The following TKT variants were observed in gnomAD, a reference collection of about 807,000 sequenced individuals.
TKT encodes transketolase.
Under a neutral mutation model 63.9 loss-of-function variants are expected in TKT, and 47 were observed. The ratio of observed to expected loss-of-function variants is 0.74; its 90% CI spans 0.58 to 0.94. The LOEUF is 0.94. Among genes scored for constraint, TKT ranks in the 40% least tolerant of loss-of-function variants. The probability of loss-of-function intolerance (pLI) is 0.00; values close to 1 mark genes in which losing one functional copy is unlikely to be tolerated. For missense variants in TKT, 721 were observed against 846.2 expected (o/e 0.85, Z 1.84); for synonymous variants, 338 against 334.1 (o/e 1.01, Z -0.13).
chr3:53,240,411 G>A, intron 3 of TKT, 63 bp from the exon 4 acceptor site: 6 of 1,508,736 alleles, frequency 4.0e-6, no homozygotes, highest in Non-Finnish European at 5.4e-6. Context: ...CACCCGCCTA[G>A]GGAGCCACAC....
intron 6 of TKT, chr3:53,231,858 C>T (rs1428944096): frequency 7.5e-6 from 3 of 398,338 alleles, no homozygotes; most frequent in Non-Finnish European, 9.0e-6. Flanking sequence ...CATCCCTTCA[C>T]CAATGTGTCC....
chr3:53,246,838 C>G (rs1364068038), intron 1 of TKT, among the ~76,000 whole-genome samples: 1 of 126,922 alleles, frequency 7.9e-6, no homozygotes, highest in Non-Finnish European at 1.7e-5. Context: ...ACAACAAGAG[C>G]AAAACTCCGT....
Position 53,228,320 on chromosome 3 carries a change from T to C in TKT, c.1435A>G (p.Ile479Val). Residue 479 changes from isoleucine (I) to valine (V), a missense_variant, in exon 11 of 14, where the codon ATC (isoleucine) becomes GTC (valine). Physicochemically the swap from Ile to Val is conservative, Grantham distance 29. Coordinates refer to ENST00000462138, the MANE Select transcript of TKT (RefSeq NM_001064.4). ...FIRTSRPENA[I>V]IYNNNEDFQV... Reference sequence around the variant, plus strand: ...AAGTCCTCATTGTTGTTATAGATGATGGCATTTTCTGGGCGGCTGGTCCGG... The same window carrying C: ...AAGTCCTCATTGTTGTTATAGATGACGGCATTTTCTGGGCGGCTGGTCCGG... 6.2e-7 allele frequency: 1 copy of C among 1,614,172 alleles called. No individual in the cohort carries two copies. The highest frequency in any genetic ancestry group is 8.5e-7 in the Non-Finnish European group (1 of 1,180,024).
chr3:53,233,179 G>A lies in TKT; in HGVS notation c.725C>T (p.Thr242Ile). ...ACCCGTGATCCCTCGGCCCTTGAAG[G>A]TCTTGGCAATGATGGCTGTTGGCTG... ...KHQPTAIIAKTFKGRGITGVE... is the reference protein window; with the variant it reads ...KHQPTAIIAKIFKGRGITGVE... The change falls in exon 6 of 14, where the codon ACC becomes ATC. Residue 242 changes from threonine to isoleucine, a missense_variant. Thr to Ile is a moderately conservative substitution (Grantham distance 89, BLOSUM62 -1). Coordinates refer to ENST00000462138, the MANE Select transcript of TKT (RefSeq NM_001064.4). 6.2e-7 allele frequency: 1 copy of A among 1,613,974 alleles called. No homozygotes were observed. Among genetic ancestry groups the A allele is most frequent in the Non-Finnish European group, 8.5e-7 (1 of 1,179,946 alleles).
intron 1 of TKT, among the ~76,000 whole-genome samples, chr3:53,248,165 G>A (rs1294519834): frequency 6.6e-6 from 1 of 152,204 alleles, no homozygotes; most frequent in East Asian, 1.9e-4. Context: ...CAATTGCTCA[G>A]TAAATATTAG....
intron 1 of TKT, among the ~76,000 whole-genome samples, chr3:53,253,610 C>CA (rs1553681900): frequency 6.6e-6 from 1 of 152,174 alleles, no homozygotes; most frequent in Non-Finnish European, 1.5e-5. Flanking sequence ...ACTAAAAATA[C>CA]AAAAATTAGC....
intron 5 of TKT, 186 bp from the exon 6 acceptor site, chr3:53,233,460 T>C: frequency 2.0e-6 from 1 of 512,370 alleles, no homozygotes; most frequent in South Asian, 2.9e-5. Context: ...TAAATCCTTT[T>C]CTTTTTCACA....
At chr3:53,226,061 G>T in intron 13 of TKT, 130 bp from the exon 14 acceptor site, 1 of 788,270 alleles carries the variant, frequency 1.3e-6, no homozygotes, top group African/African-American at 1.8e-5. Flanking sequence ...CTGTAGCCAT[G>T]AGCCCATCAC....
rs183702999 is a variant in TKT at position 53,250,939 on chromosome 3, C to T, written c.107+4897G>A. On this transcript the variant is annotated intron_variant, in intron 1 of 13. Transcript: ENST00000462138. Reference sequence around the variant, plus strand: ...TGGGACTACAGGCACATGCACAGCTCTTTCTTTTTTTTGTAGAGATGAGGT... The same window carrying T: ...TGGGACTACAGGCACATGCACAGCTTTTTCTTTTTTTTGTAGAGATGAGGT... Among the ~76,000 whole-genome samples the T allele has an allele frequency of 2.2e-4, 33 of 152,128 alleles. 1 individual carries two copies. The Middle Eastern group carries it at 0.02, about 94-fold the overall frequency.
At chr3:53,232,017 C>A in intron 6 of TKT, 1 of 279,644 alleles carries the variant, frequency 3.6e-6, no homozygotes, top group Non-Finnish European at 6.7e-6. Flanking sequence ...CCAGGGTCAC[C>A]CAATGCATCT....
chr3:53,236,907 T>TA (rs1334417937), intron 4 of TKT, among the ~76,000 whole-genome samples: 2 of 152,206 alleles, frequency 1.3e-5, no homozygotes, highest in African/African-American at 2.4e-5. Context: ...CCTGAGCTGT[T>TA]AGAGTTAGGG....
At chr3:53,244,953 T>C (rs1253090008) in intron 1 of TKT, among the ~76,000 whole-genome samples, 1 of 150,816 alleles carries the variant, frequency 6.6e-6, no homozygotes, top group Non-Finnish European at 1.5e-5. Flanking sequence ...CCCCAATTAG[T>C]TCAACCTGTG....
At chr3:53,255,333 A>C (rs2106741999) in intron 1 of TKT, among the ~76,000 whole-genome samples, 1 of 152,232 alleles carries the variant, frequency 6.6e-6, no homozygotes, top group Non-Finnish European at 1.5e-5. Context: ...CTGGGGCTCA[A>C]ATCAGATCTC....
chr3:53,226,502 C>A, intron 13 of TKT: 1 of 500,288 alleles, frequency 2.0e-6, no homozygotes. Flanking sequence ...CACCATTTAG[C>A]AGCGAGGTTG....
intron 10 of TKT, 50 bp from the exon 11 acceptor site, chr3:53,228,409 C>T: frequency 5.6e-6 from 9 of 1,599,282 alleles, no homozygotes; most frequent in Middle Eastern, 1.7e-4. Context: ...CACACCCAAC[C>T]TCAGAGACGA....
chr3:53,232,294 G>A, intron 6 of TKT: 1 of 398,742 alleles, frequency 2.5e-6, no homozygotes, highest in East Asian at 3.6e-5. Context: ...CCAAAGCCAT[G>A]ACAATATCCC....
intron 1 of TKT, among the ~76,000 whole-genome samples, chr3:53,242,543 G>A (rs186899020): frequency 2.0e-4 from 30 of 152,262 alleles, no homozygotes; most frequent in Middle Eastern, 3.4e-3. Flanking sequence ...GAGTAAGAAG[G>A]AAGGAGGGGC....
intron 5 of TKT, 183 bp from the exon 6 acceptor site, chr3:53,233,457 TTTTC>T (rs1223461179): frequency 7.8e-5 from 40 of 510,472 alleles, no homozygotes; most frequent in South Asian, 4.1e-4. Flanking sequence ...TTTTAAATCC[TTTTC>T]TTTTTCACAT....
chr3:53,236,251 C>T (rs1348185277), intron 4 of TKT, among the ~76,000 whole-genome samples: 1 of 152,240 alleles, frequency 6.6e-6, no homozygotes, highest in Non-Finnish European at 1.5e-5. Context: ...AACCCGGCTG[C>T]ATGCTCAGCA....
Sources: gnomAD v4.1 joint callset for allele counts (sites outside exome capture counted in the v4.1 genomes callset) on GRCh38, gnomAD v4.1.1 for gene constraint, MANE v1.5 for transcripts, NCBI Gene and HGNC (gene_info 2026-07-23, HGNC 2026-07-21) for gene names.